DOCK8: variants seen among roughly 807,000 people sequenced by gnomAD.
DOCK8 encodes dedicator of cytokinesis protein 8.
DOCK8 carries 141 observed loss-of-function variants against 245.6 expected under a neutral mutation model. That is an observed-to-expected ratio of 0.57 (90% CI 0.50 to 0.66). The LOEUF (loss-of-function observed/expected upper bound fraction) is 0.66, where lower values mean the gene tolerates loss of function less well. DOCK8 is among the 30% of genes least tolerant of loss of function. The pLI is 0.00. For missense variants in DOCK8, 2,965 were observed against 2,603.4 expected, an observed-to-expected ratio of 1.14 and a Z score of -3.02; for synonymous variants, 1,168 against 970.2, an observed-to-expected ratio of 1.20 and a Z score of -3.79.
intron 1 of DOCK8, among the ~76,000 whole-genome samples, chr9:231,807 A>G (rs976089907): frequency 6.6e-6 from 1 of 152,182 alleles, no homozygotes; most frequent in Admixed American, 6.5e-5. Flanking sequence ...GGCTGAGACA[A>G]TGGGGTTTTC....
chr9:242,474 G>A (rs1484618180), intron 1 of DOCK8, among the ~76,000 whole-genome samples: 1 of 152,172 alleles, frequency 6.6e-6, no homozygotes, highest in African/African-American at 2.4e-5. Context: ...GAGACAATAT[G>A]ATTATTAATA....
rs542648060 is a variant in DOCK8 at position 404,529 on chromosome 9, A to G, written c.3235-389A>G. Among the ~76,000 whole-genome samples the G allele has an allele frequency of 4.6e-5, 7 of 152,342 alleles. 1 individual carries two copies. The South Asian group carries it at 6.2e-4, about 14-fold the overall frequency. Reference sequence around the variant, plus strand: ...CATCTAGTCATATTCTATTAGTTTCATACAGGCTCATATGAGGTCAACTCC... The same window carrying G: ...CATCTAGTCATATTCTATTAGTTTCGTACAGGCTCATATGAGGTCAACTCC... On this transcript the variant is annotated intron_variant, in intron 26 of 47. Transcript: ENST00000432829.
At position 227,008 on chromosome 9, in the gene DOCK8, C is replaced by A. The variant is rs138340061; in HGVS notation, c.53+11979C>A. Among the ~76,000 whole-genome samples the A allele has an allele frequency of 2.2e-4, 34 of 152,110 alleles. 1 individual carries two copies. The highest frequency in any genetic ancestry group is 8.2e-4 in the African/African-American group (34 of 41,478). The stretch of plus-strand genomic sequence containing the variant: ...TCTCTGCAGAGATAAATGATCAATA[C>A]ATATAACAAGGAGAGAACCAGAAGG... On this transcript the variant is annotated intron_variant, in intron 1 of 47. Coordinates refer to ENST00000432829, the MANE Select transcript of DOCK8 (RefSeq NM_203447.4).
intron 4 of DOCK8, among the ~76,000 whole-genome samples, chr9:297,464 A>G (rs998641484): frequency 1.3e-5 from 2 of 152,210 alleles, no homozygotes; most frequent in African/African-American, 2.4e-5. Context: ...ATCTCCTGGG[A>G]AGCAATAGGT....
intron 23 of DOCK8, 87 bp from the exon 24 acceptor site, chr9:390,384 T>C (rs1173136556): frequency 8.2e-7 from 1 of 1,217,122 alleles, no homozygotes; most frequent in African/African-American, 1.5e-5. Context: ...AGCTATTAAA[T>C]TGGGGGGAAT....
chr9:273,236 A>G (rs552438965), intron 2 of DOCK8: 2 of 563,816 alleles, frequency 3.5e-6, no homozygotes, highest in South Asian at 1.6e-4. Flanking sequence ...TTTTTCAGAA[A>G]ATCTACTTAT....
intron 4 of DOCK8, among the ~76,000 whole-genome samples, chr9:290,235 C>T (rs1392785212): frequency 1.3e-5 from 2 of 152,012 alleles, no homozygotes; most frequent in African/African-American, 4.8e-5. Flanking sequence ...TGTGGCCCAA[C>T]ACAAATTCAT....
chr9:297,609 C>T (rs1246063692), intron 4 of DOCK8, among the ~76,000 whole-genome samples: 1 of 152,094 alleles, frequency 6.6e-6, no homozygotes, highest in Non-Finnish European at 1.5e-5. Context: ...AGCTGGGACT[C>T]TCTTGTAGCC....
Position 317,277 on chromosome 9 carries a change from G to A in DOCK8, c.827+149G>A, listed in dbSNP as rs112491293. The A allele has an allele frequency of 1.3e-4, 93 of 710,914 alleles. No individual in the cohort carries two copies. The African/African-American group carries it at 1.5e-3, about 11-fold the overall frequency. The allele number at this position is 710,914 out of a possible 1,614,324, so 44.0% of individuals were successfully genotyped here. ...AGCTGTGGAGTAGTAGAAAGGGCAC[G>A]TTTGAGTCCATTCCTGGATTTTTTT... On this transcript the variant is annotated intron_variant, in intron 7 of 47. Transcript: ENST00000432829.
At chr9:298,252 C>A (rs2049352984) in intron 4 of DOCK8, among the ~76,000 whole-genome samples, 1 of 152,128 alleles carries the variant, frequency 6.6e-6, no homozygotes, top group South Asian at 2.1e-4. Context: ...CGGCAAAACC[C>A]CGTCTCTACT....
At chr9:393,085 C>CAAAAAAA (rs1159933739) in intron 24 of DOCK8, among the ~76,000 whole-genome samples, 75 of 44,722 alleles carry the variant, frequency 1.7e-3, no homozygotes, top group African/African-American at 2.1e-3. Flanking sequence ...GACCCTGTCT[C>CAAAAAAA]AAAAAAAAAA....
Position 425,497 on chromosome 9 carries a change from A to C in DOCK8, c.4242-1388A>C, listed in dbSNP as rs1189346305. On this transcript the variant is annotated intron_variant, in intron 33 of 47. Coordinates refer to ENST00000432829, the MANE Select transcript of DOCK8 (RefSeq NM_203447.4). ...CGGTGAGCCAAGATTGCGCCACTGC[A>C]CTCTGCACTCCAGCCTGGGCGACAG... 3.2e-3 allele frequency among the ~76,000 whole-genome samples: 429 copies of C among 135,914 alleles called. 4 individuals are homozygous for C. Among genetic ancestry groups the C allele is most frequent in the African/African-American group, 0.013 (398 of 29,512 alleles). 89.2% of individuals were successfully genotyped at this position (135,914 alleles called of 152,430 possible).
chr9:418,499 C>G (rs970788372), intron 30 of DOCK8, among the ~76,000 whole-genome samples: 1 of 152,192 alleles, frequency 6.6e-6, no homozygotes. Context: ...AACTCCCAAC[C>G]TCAGATGGTA....
At chr9:227,179 G>A (rs1166537697) in intron 1 of DOCK8, among the ~76,000 whole-genome samples, 1 of 152,148 alleles carries the variant, frequency 6.6e-6, no homozygotes, top group African/African-American at 2.4e-5. Flanking sequence ...ATTGGAAGAA[G>A]AAGCAATTAT....
At chr9:215,319 G>T in intron 1 of DOCK8, 1 of 1,604,042 alleles carries the variant, frequency 6.2e-7, no homozygotes, top group Non-Finnish European at 8.5e-7. Flanking sequence ...CGCCCTCCAG[G>T]TTCTTACAGG....
At chr9:260,161 G>C (rs1015351514) in intron 1 of DOCK8, among the ~76,000 whole-genome samples, 1 of 152,192 alleles carries the variant, frequency 6.6e-6, no homozygotes, top group African/African-American at 2.4e-5. Flanking sequence ...TTCTGTTCCA[G>C]ACCTGTTTAT....
intron 1 of DOCK8, among the ~76,000 whole-genome samples, chr9:251,207 G>A (rs2047636768): frequency 6.6e-6 from 1 of 152,030 alleles, no homozygotes; most frequent in African/African-American, 2.4e-5. Context: ...GGACTTCACA[G>A]GGCTTCACTT....
chr9:438,155 A>G (rs374651919), intron 39 of DOCK8, among the ~76,000 whole-genome samples: 6 of 152,348 alleles, frequency 3.9e-5, no homozygotes, highest in African/African-American at 1.4e-4. Flanking sequence ...TATGACAACT[A>G]TGTCCTGACT....
At chr9:425,693 G>A (rs1024729482) in intron 33 of DOCK8, among the ~76,000 whole-genome samples, 2 of 150,732 alleles carry the variant, frequency 1.3e-5, no homozygotes, top group Non-Finnish European at 2.9e-5. Context: ...GGAGTTCGAG[G>A]CTTCAGTGAG....
Sources: gnomAD v4.1 joint callset for allele counts (sites outside exome capture counted in the v4.1 genomes callset) on GRCh38, gnomAD v4.1.1 for gene constraint, MANE v1.5 for transcripts, NCBI Gene and HGNC (gene_info 2026-07-23, HGNC 2026-07-21) for gene names.